The following GID4 variants were observed in gnomAD, a reference collection of about 807,000 sequenced individuals.
The protein encoded by GID4 is GID complex subunit 4 homolog.
Under a neutral mutation model 32.4 loss-of-function variants are expected in GID4, and 7 were observed. That is an observed-to-expected ratio of 0.22 (90% CI 0.12 to 0.41). GID4 has a LOEUF of 0.41. Ranked by LOEUF, GID4 falls within the 10% of genes least tolerant of loss-of-function variation. The pLI is 1.00. For synonymous variants in GID4, 166 were observed against 170.0 expected, an observed-to-expected ratio of 0.98 and a Z score of 0.18; for missense variants, 309 against 400.0, an observed-to-expected ratio of 0.77 and a Z score of 1.94.
At chr17:18,043,139 C>T (rs1185623915) in intron 1 of GID4, among the ~76,000 whole-genome samples, 6 of 152,208 alleles carry the variant, frequency 3.9e-5, no homozygotes, top group Admixed American at 2.0e-4. Flanking sequence ...TGCTGTGACA[C>T]CTTCTTGCTA....
At chr17:18,047,050 T>G (rs891269248) in intron 2 of GID4, among the ~76,000 whole-genome samples, 1 of 152,170 alleles carries the variant, frequency 6.6e-6, no homozygotes, top group African/African-American at 2.4e-5. Context: ...GATTCTCTTG[T>G]AAAGTCCTGA....
At chr17:18,059,302 C>T (rs939658212) in intron 4 of GID4, among the ~76,000 whole-genome samples, 1 of 152,218 alleles carries the variant, frequency 6.6e-6, no homozygotes, top group African/African-American at 2.4e-5. Flanking sequence ...CAAGTTGAAT[C>T]ACTCCAAGTG....
chr17:18,060,992 C>T (rs1055560628), intron 4 of GID4, among the ~76,000 whole-genome samples: 4 of 152,198 alleles, frequency 2.6e-5, no homozygotes, highest in African/African-American at 7.2e-5. Flanking sequence ...ACCTCAGCCT[C>T]CCAAAGTGTT....
intron 1 of GID4, among the ~76,000 whole-genome samples, chr17:18,041,041 C>G (rs2044796511): frequency 6.6e-6 from 1 of 152,100 alleles, no homozygotes; most frequent in African/African-American, 2.4e-5. Context: ...CCACAAAACT[C>G]TTCCTCCTCT....
intron 2 of GID4, among the ~76,000 whole-genome samples, chr17:18,047,148 A>G (rs566823667): frequency 4.8e-4 from 73 of 152,262 alleles, no homozygotes; most frequent in African/African-American, 1.7e-3. Flanking sequence ...TCTCCTATGA[A>G]GTTTGTTGTT....
At chr17:18,051,783 A>G (rs2044912038) in intron 2 of GID4, among the ~76,000 whole-genome samples, 1 of 151,720 alleles carries the variant, frequency 6.6e-6, no homozygotes, top group African/African-American at 2.4e-5. Flanking sequence ...ATTAAAAGTT[A>G]GTTTATACCG....
chr17:18,049,021 C>T (rs2044883062), intron 2 of GID4, among the ~76,000 whole-genome samples: 1 of 151,774 alleles, frequency 6.6e-6, no homozygotes, highest in Non-Finnish European at 1.5e-5. Flanking sequence ...CTCACGTATA[C>T]AGTATGGAAA....
At chr17:18,040,166 G>GC (rs1206602623) in intron 1 of GID4, among the ~76,000 whole-genome samples, 1 of 152,156 alleles carries the variant, frequency 6.6e-6, no homozygotes, top group African/African-American at 2.4e-5. Flanking sequence ...CCCGTGACCG[G>GC]CCCGTCTGGG....
intron 1 of GID4, among the ~76,000 whole-genome samples, chr17:18,043,162 G>C (rs2044819907): frequency 1.3e-5 from 2 of 152,128 alleles, no homozygotes; most frequent in African/African-American, 4.8e-5. Context: ...CACGTGCCCT[G>C]TTATCTTTCT....
intron 2 of GID4, 36 bp from the exon 3 acceptor site, chr17:18,054,091 C>A (rs2044940991): frequency 8.4e-7 from 1 of 1,185,452 alleles, no homozygotes; most frequent in South Asian, 1.3e-5. Flanking sequence ...AACTCTCACT[C>A]AACATCTTAT....
At chr17:18,063,271 G>A (rs182129831) in intron 5 of GID4, among the ~76,000 whole-genome samples, 6 of 151,732 alleles carry the variant, frequency 4.0e-5, no homozygotes, top group African/African-American at 1.5e-4. Context: ...TTAGCCAGGC[G>A]TGCTGGTACG....
chr17:18,043,203 T>C (rs1471984989), intron 1 of GID4, among the ~76,000 whole-genome samples: 1 of 152,224 alleles, frequency 6.6e-6, no homozygotes, highest in East Asian at 1.9e-4. Context: ...TGGTAAAAGC[T>C]GTATGCGTTG....
At chr17:18,062,019 C>G in intron 5 of GID4, 44 bp downstream of exon 5, 1 of 1,601,032 alleles carries the variant, frequency 6.2e-7, no homozygotes, top group Non-Finnish European at 8.5e-7. Flanking sequence ...GGCTTGCTGC[C>G]CAGCTGGCTC....
At chr17:18,044,397 G>A (rs1197415034) in intron 1 of GID4, among the ~76,000 whole-genome samples, 4 of 152,142 alleles carry the variant, frequency 2.6e-5, no homozygotes, top group Admixed American at 6.5e-5. Context: ...GTAGGCATCC[G>A]GCAGTGTCTC....
Position 18,066,212 on chromosome 17 carries a change from T to A in GID4, c.*969T>A, listed in dbSNP as rs2142157960. Reference sequence around the variant, plus strand: ...CCAGCAGTTTTGAAACTAGTCATCCTGGTACAAAAGTTTTGCAGCATTGCC... The same window carrying A: ...CCAGCAGTTTTGAAACTAGTCATCCAGGTACAAAAGTTTTGCAGCATTGCC... On this transcript the variant is annotated 3_prime_UTR_variant, in exon 6 of 6. Coordinates refer to ENST00000268719, the MANE Select transcript of GID4 (RefSeq NM_024052.5). 6.5e-6 allele frequency: 1 copy of A among 152,756 alleles called. No individual in the cohort carries two copies. The highest frequency in any genetic ancestry group is 2.1e-4 in the South Asian group (1 of 4,824). 9.5% of individuals were successfully genotyped at this position (152,756 alleles called of 1,614,324 possible). A position where few individuals can be genotyped will look rare whatever the true frequency, so the allele number is the denominator to read the frequency against.
At chr17:18,053,286 T>G (rs1432805255) in intron 2 of GID4, among the ~76,000 whole-genome samples, 1 of 150,620 alleles carries the variant, frequency 6.6e-6, no homozygotes, top group African/African-American at 2.4e-5. Context: ...GTGCTGGGAT[T>G]ACAGGCGTGA....
In GID4 at chr17:18,061,418, C is replaced by T. The variant is rs539552256; in HGVS notation, c.709-427C>T. Among the ~76,000 whole-genome samples the T allele has an allele frequency of 7.2e-5, 11 of 152,350 alleles. No homozygotes were observed. The highest frequency in any genetic ancestry group is 2.6e-4 in the African/African-American group (11 of 41,586). Reference sequence around the variant, plus strand: ...ATGGTCCACAGACCTACAGAAGCGACTCACTGTTCTAGATGTTATCAAGCA... The same window carrying T: ...ATGGTCCACAGACCTACAGAAGCGATTCACTGTTCTAGATGTTATCAAGCA... On this transcript the variant is annotated intron_variant, in intron 4 of 5. Coordinates refer to ENST00000268719, the MANE Select transcript of GID4 (RefSeq NM_024052.5). This position sits in a 1 kb window ranked among gnomAD's most constrained non-coding sequence, Gnocchi z 4.4.
intron 2 of GID4, among the ~76,000 whole-genome samples, chr17:18,048,534 A>G (rs913482261): frequency 6.6e-6 from 1 of 152,238 alleles, no homozygotes; most frequent in Non-Finnish European, 1.5e-5. Context: ...TGGTTGCCGT[A>G]GATAATAGTA....
Position 18,039,670 on chromosome 17 carries a change from T to C in GID4, c.206T>C (p.Val69Ala), listed in dbSNP as rs535142636. The stretch of plus-strand genomic sequence containing the variant: ...CTCGGCTCCCGCGCGGCGGCGGCGG[T>C]TCCTCTCCCACTCCCCCCAGCCCTG... ...TLLGSRAAAA[V>A]PLPLPPALAP... Residue 69 changes from valine to alanine, a missense_variant, in exon 1 of 6, where the codon GTT (valine) becomes GCT (alanine). Physicochemically the swap from Val to Ala is moderately conservative, Grantham distance 64 (BLOSUM62 0). Transcript: ENST00000268719. The surrounding 1 kb of genome is among the most constrained non-coding windows in gnomAD (Gnocchi z 5.3). The C allele has an allele frequency of 2.8e-5, 32 of 1,123,028 alleles. No homozygotes were observed. In the East Asian group the frequency reaches 1.4e-3, roughly 50 times the overall value. 69.6% of individuals were successfully genotyped at this position (1,123,028 alleles called of 1,614,324 possible). A position where few individuals can be genotyped will look rare whatever the true frequency, so the allele number is the denominator to read the frequency against.
Sources: gnomAD v4.1 joint callset for allele counts (sites outside exome capture counted in the v4.1 genomes callset) on GRCh38, gnomAD v4.1.1 for gene constraint, Gnocchi (gnomAD v3.1) non-coding constraint, MANE v1.5 for transcripts, NCBI Gene and HGNC (gene_info 2026-07-23, HGNC 2026-07-21) for gene names.